CDK12: variants seen among roughly 807,000 people sequenced by gnomAD.
CDK12 encodes the protein cyclin-dependent kinase 12.
Under a neutral mutation model 133.8 loss-of-function variants are expected in CDK12, and 17 were observed. The observed-to-expected ratio is 0.13, with a 90% CI of 0.09 to 0.19. The LOEUF is 0.19. Among genes scored for constraint, CDK12 ranks in the 10% least tolerant of loss-of-function variants. CDK12 has a pLI of 1.00. For missense variants in CDK12, 1,508 were observed against 1,818.7 expected, an observed-to-expected ratio of 0.83 and a Z score of 3.11; for synonymous variants, 694 against 683.6, an observed-to-expected ratio of 1.02 and a Z score of -0.24.
chr17:39,526,301 C>A lies in CDK12; in HGVS notation c.3745C>A (p.Gln1249Lys). The A allele has an allele frequency of 6.3e-7, 1 of 1,591,416 alleles. No individual in the cohort carries two copies. The highest frequency in any genetic ancestry group is 8.5e-7 in the Non-Finnish European group (1 of 1,169,822). ...QGPRRTPTMP[Q>K]EEAAACPPHI... is the part of the protein sequence containing the mutation. The stretch of plus-strand genomic sequence containing the variant: ...GCCCCGAAGAACTCCCACAATGCCA[C>A]AGGAGGAGGCAGCAGGTAAACAGAC... The change falls in exon 13 of 14, where the codon CAG (glutamine) becomes AAG (lysine). Residue 1249 changes from glutamine (Q) to lysine (K), a missense_variant. By Grantham distance (53) the Gln-to-Lys change is moderately conservative. Coordinates refer to ENST00000447079, the MANE Select transcript of CDK12 (RefSeq NM_016507.4).
intron 2 of CDK12, among the ~76,000 whole-genome samples, chr17:39,479,167 G>T (rs563323418): frequency 2.0e-5 from 3 of 151,992 alleles, no homozygotes; most frequent in African/African-American, 7.3e-5. Flanking sequence ...AATTAGCCGG[G>T]CATGGTGGCG....
chr17:39,470,899 G>A lies in CDK12; in HGVS notation c.1067G>A (p.Arg356Lys), dbSNP rs753119390. Residue 356 changes from arginine (R) to lysine (K), a missense_variant, in exon 2 of 14, where the codon AGA becomes AAA. Arg to Lys is a conservative substitution (Grantham distance 26). Coordinates refer to ENST00000447079, the MANE Select transcript of CDK12 (RefSeq NM_016507.4). ...TCCAGTAGGAAATCCATGAAGTCCA[G>A]AAGTAGAAGTCCTGCATATTCAAGA... ...PLPSRKSMKS[R>K]SRSPAYSRHS... The A allele has an allele frequency of 1.2e-6, 2 of 1,606,792 alleles. No individual in the cohort carries two copies.
At chr17:39,536,796 C>T (rs984541942), downstream of CDK12, among the ~76,000 whole-genome samples, 4 of 152,202 alleles carry the variant, frequency 2.6e-5, no homozygotes, top group African/African-American at 9.7e-5. Context: ...GAGACTGATA[C>T]TGAGTTTGTC....
At chr17:39,473,172 AT>A (rs1313990766) in intron 2 of CDK12, among the ~76,000 whole-genome samples, 1 of 151,948 alleles carries the variant, frequency 6.6e-6, no homozygotes, top group East Asian at 1.9e-4. Flanking sequence ...TTCAGTTGGA[AT>A]TCAAAATAAC....
intron 8 of CDK12, 40 bp from the exon 9 acceptor site, chr17:39,515,690 TA>T: frequency 1.4e-6 from 2 of 1,387,458 alleles, no homozygotes; most frequent in Non-Finnish European, 2.0e-6. Context: ...AAATAGGCTC[TA>T]AGAATTTCTC....
chr17:39,502,094 C>A (rs1330420611), intron 6 of CDK12, among the ~76,000 whole-genome samples: 1 of 151,888 alleles, frequency 6.6e-6, no homozygotes, highest in East Asian at 1.9e-4. Context: ...CCACCCACCT[C>A]AGCCTCCCAA....
At chr17:39,547,252 C>T (rs992765025), upstream of CDK12, among the ~76,000 whole-genome samples, 2 of 151,080 alleles carry the variant, frequency 1.3e-5, no homozygotes, top group Admixed American at 1.3e-4. Context: ...ACTCCTGCCT[C>T]AGCCTCCTGA....
At chr17:39,470,816 A>C in intron 1 of CDK12, 63 bp from the exon 2 acceptor site, 1 of 1,295,106 alleles carries the variant, frequency 7.7e-7, no homozygotes, top group Non-Finnish European at 1.1e-6. Flanking sequence ...TGTTTTATTG[A>C]TCTGTTTTCC....
chr17:39,471,420 C>G lies in CDK12; in HGVS notation c.1588C>G (p.Pro530Ala), dbSNP rs56121596. 20 of 1,613,608 alleles carry G rather than the reference C, an allele frequency of 1.2e-5. No homozygotes were observed. In the East Asian group the frequency reaches 4.2e-4, roughly 34 times the overall value. ...TSEKETPPPL[P>A]TIASPPPPLP... ...AGAAAAGGAGACCCCTCCACCTCTT[C>G]CCACAATTGCTTCTCCCCCACCCCC... Residue 530 changes from proline to alanine, a missense_variant, in exon 2 of 14, where the codon CCC (proline) becomes GCC (alanine). Physicochemically the swap from Pro to Ala is conservative, Grantham distance 27. Transcript: ENST00000447079.
rs1216825928 is a variant in CDK12 at position 39,494,750 on chromosome 17, T to G, written c.2419+56T>G. 3 of 771,680 alleles carry G rather than the reference T, an allele frequency of 3.9e-6. No individual in the cohort carries two copies. The African/African-American group carries it at 5.6e-5, about 14-fold the overall frequency. 47.8% of individuals were successfully genotyped at this position (771,680 alleles called of 1,614,324 possible). A position where few individuals can be genotyped will look rare whatever the true frequency, so the allele number is the denominator to read the frequency against. On this transcript the variant is annotated intron_variant, in intron 5 of 13. Transcript: ENST00000447079. ...TAGACTGGTCCAATCTTTGCCTTTCTTTTTTTTTTTCTTTCTTTCTTTCTT... is the reference window on the plus strand; with the variant it reads ...TAGACTGGTCCAATCTTTGCCTTTCGTTTTTTTTTTCTTTCTTTCTTTCTT...
downstream of CDK12, chr17:39,567,497 T>TAGCATAAAGCATAAAGCATAA (rs2056606290): frequency 1.3e-5 from 2 of 152,346 alleles, no homozygotes; most frequent in South Asian, 4.1e-4. Context: ...AAACAATGCC[T>TAGCATAAAGCATAAAGCATAA]AGCATAAAGC....
rs2146371527 is a variant in CDK12, at chr17:39,511,530, C to T, written c.2668C>T (p.Arg890Cys). Residue 890 changes from arginine to cysteine, a missense_variant and splice_region_variant, in exon 8 of 14, where the codon CGC (arginine) becomes TGC (cysteine). Transcript: ENST00000447079. Reference protein sequence around the residue: ...LARLYNSEESRPYTNKVITLW... With the variant: ...LARLYNSEESCPYTNKVITLW... ...TCATGGTTGTTTTTTATATTTCAGTCGCCCTTACACAAACAAAGTCATTAC... is the reference window on the plus strand; with the variant it reads ...TCATGGTTGTTTTTTATATTTCAGTTGCCCTTACACAAACAAAGTCATTAC... 6.3e-7 allele frequency: 1 copy of T among 1,589,228 alleles called. No individual in the cohort carries two copies. The highest frequency in any genetic ancestry group is 8.6e-7 in the Non-Finnish European group (1 of 1,161,470).
downstream of CDK12, among the ~76,000 whole-genome samples, chr17:39,536,775 G>A (rs912111498): frequency 6.6e-6 from 1 of 152,130 alleles, no homozygotes; most frequent in Non-Finnish European, 1.5e-5. Context: ...GTACTCCAAG[G>A]CTGAGAGAAA....
At chr17:39,527,825 G>GCT (rs2054583068) in intron 13 of CDK12, among the ~76,000 whole-genome samples, 1 of 152,060 alleles carries the variant, frequency 6.6e-6, no homozygotes, top group Admixed American at 6.6e-5. Context: ...GGGATTACAG[G>GCT]CTTGAGCCAC....
At chr17:39,565,501 C>T (rs959675262), downstream of CDK12, among the ~76,000 whole-genome samples, 1 of 151,460 alleles carries the variant, frequency 6.6e-6, no homozygotes, top group Non-Finnish European at 1.5e-5. Context: ...TGGCATGATC[C>T]CAGCTCACTG....
intron 2 of CDK12, among the ~76,000 whole-genome samples, chr17:39,486,057 A>G (rs1417460734): frequency 6.7e-6 from 1 of 149,204 alleles, no homozygotes; most frequent in Non-Finnish European, 1.5e-5. Context: ...GGTTGAAGCG[A>G]TTCTCCTTCC....
chr17:39,502,846 TA>T (rs2052820479), intron 6 of CDK12, among the ~76,000 whole-genome samples: 1 of 152,072 alleles, frequency 6.6e-6, no homozygotes, highest in Non-Finnish European at 1.5e-5. Context: ...TGGAAAACTG[TA>T]AACAGGTCAG....
intron 2 of CDK12, among the ~76,000 whole-genome samples, chr17:39,474,771 A>C (rs572352210): frequency 7.0e-6 from 1 of 142,756 alleles, no homozygotes; most frequent in Middle Eastern, 3.8e-3. Flanking sequence ...AGAAAGAAAT[A>C]TGATGTTTCC....
intron 2 of CDK12, among the ~76,000 whole-genome samples, chr17:39,485,047 G>T (rs1007778599): frequency 1.3e-5 from 2 of 151,770 alleles, no homozygotes; most frequent in Non-Finnish European, 2.9e-5. Context: ...GTGGGTGCCT[G>T]TGGTCCCAGC....
Sources: gnomAD v4.1 joint callset for allele counts (sites outside exome capture counted in the v4.1 genomes callset) on GRCh38, gnomAD v4.1.1 for gene constraint, MANE v1.5 for transcripts, NCBI Gene and HGNC (gene_info 2026-07-23, HGNC 2026-07-21) for gene names.